The following AGTPBP1 variants were observed in gnomAD, a reference collection of about 807,000 sequenced individuals.
AGTPBP1 encodes ATP/GTP binding carboxypeptidase 1, also known as cytosolic carboxypeptidase 1.
Under a neutral mutation model 143.9 loss-of-function variants are expected in AGTPBP1, and 70 were observed. The ratio of observed to expected loss-of-function variants is 0.49; its 90% CI spans 0.40 to 0.59. The LOEUF is 0.59. AGTPBP1 is among the 20% of genes least tolerant of loss of function. AGTPBP1 has a pLI of 0.00. For synonymous variants in AGTPBP1, 463 were observed against 500.2 expected (o/e 0.93, Z 0.99); for missense variants, 1,229 against 1,464.5 (o/e 0.84, Z 2.62).
chr9:85,625,553 T>C (rs184733432), intron 14 of AGTPBP1, among the ~76,000 whole-genome samples: 5 of 152,308 alleles, frequency 3.3e-5, no homozygotes, highest in East Asian at 3.9e-4. Context: ...TCACATATTA[T>C]ATAAAAGTGT....
chr9:85,713,301 C>T (rs572941125), intron 1 of AGTPBP1, among the ~76,000 whole-genome samples: 6 of 152,318 alleles, frequency 3.9e-5, no homozygotes, highest in Admixed American at 1.3e-4. Flanking sequence ...GGGGCCAAGG[C>T]AGGTGGATCA....
chr9:85,670,265 A>G (rs538614437), intron 7 of AGTPBP1, among the ~76,000 whole-genome samples: 1 of 152,294 alleles, frequency 6.6e-6, no homozygotes, highest in East Asian at 1.9e-4. Flanking sequence ...AGGTAGAAAA[A>G]GATGAGAAAT....
At chr9:85,803,261 C>A in the AGTPBP1 span, among the ~76,000 whole-genome samples, 1 of 152,198 alleles carries the variant, frequency 6.6e-6, no homozygotes, top group Non-Finnish European at 1.5e-5. Flanking sequence ...TCACAAAGTG[C>A]AAACATACCT....
chr9:85,668,958 C>T, intron 8 of AGTPBP1, among the ~76,000 whole-genome samples: 1 of 128,536 alleles, frequency 7.8e-6, no homozygotes, highest in South Asian at 2.6e-4. Context: ...AAAATACATA[C>T]ATACATACAT....
chr9:85,724,062 G>T (rs778862022), intron 1 of AGTPBP1, among the ~76,000 whole-genome samples: 5 of 152,052 alleles, frequency 3.3e-5, no homozygotes, highest in African/African-American at 1.2e-4. Flanking sequence ...CGAGGAAGGT[G>T]GATCACTTGA....
chr9:85,588,206 A>C (rs1305273822), intron 21 of AGTPBP1, 92 bp downstream of exon 21: 7 of 1,149,228 alleles, frequency 6.1e-6, no homozygotes, highest in Non-Finnish European at 8.1e-6. Flanking sequence ...AAAATCACTA[A>C]GTTTGTTAAC....
At chr9:85,574,960 C>T (rs1375756017) in intron 25 of AGTPBP1, among the ~76,000 whole-genome samples, 2 of 152,112 alleles carry the variant, frequency 1.3e-5, no homozygotes, top group African/African-American at 4.8e-5. Context: ...CCACCTGCCT[C>T]GGCCTCCCAA....
At chr9:85,747,945 T>C in the AGTPBP1 span, among the ~76,000 whole-genome samples, 683 of 152,328 alleles carry the variant, frequency 4.5e-3, 4 homozygotes, top group African/African-American at 0.015. Context: ...AACTTTTTTT[T>C]TCTTCTGGAT....
chr9:85,562,153 C>T (rs181739217), intron 25 of AGTPBP1, among the ~76,000 whole-genome samples: 11 of 150,900 alleles, frequency 7.3e-5, no homozygotes, highest in African/African-American at 2.2e-4. Flanking sequence ...GCCAAGTGTC[C>T]GTTAAAATCA....
At chr9:85,720,824 C>A (rs1838059397) in intron 1 of AGTPBP1, among the ~76,000 whole-genome samples, 1 of 152,184 alleles carries the variant, frequency 6.6e-6, no homozygotes, top group South Asian at 2.1e-4. Context: ...TTTCTCTACA[C>A]ACTGCTTTAA....
the AGTPBP1 span, among the ~76,000 whole-genome samples, chr9:85,757,006 G>T: frequency 6.6e-6 from 1 of 151,818 alleles, no homozygotes; most frequent in Non-Finnish European, 1.5e-5. Flanking sequence ...CTTTTTTTTG[G>T]GGGGGTGAAG....
chr9:85,679,155 C>T (rs1458506713), intron 4 of AGTPBP1, among the ~76,000 whole-genome samples: 7 of 152,130 alleles, frequency 4.6e-5, no homozygotes, highest in Non-Finnish European at 5.9e-5. Context: ...ATAGATATTA[C>T]CAAATTGCTC....
At chr9:85,681,357 T>C (rs745356145) in intron 3 of AGTPBP1, 22 bp from the exon 4 acceptor site, 34 of 1,604,898 alleles carry the variant, frequency 2.1e-5, no homozygotes, top group Non-Finnish European at 2.9e-5. Flanking sequence ...CAAACAATTT[T>C]TTTCTCAAAC....
chr9:85,766,220 C>T, the AGTPBP1 span, among the ~76,000 whole-genome samples: 1 of 151,890 alleles, frequency 6.6e-6, no homozygotes, highest in Non-Finnish European at 1.5e-5. Context: ...ACTGTAAACT[C>T]TGAAGGACAC....
chr9:85,616,335 T>A (rs1830599172), intron 17 of AGTPBP1, among the ~76,000 whole-genome samples: 1 of 151,912 alleles, frequency 6.6e-6, no homozygotes, highest in Non-Finnish European at 1.5e-5. Flanking sequence ...TTAGTTTTAA[T>A]TACAGAATTT....
At chr9:85,591,809 T>A (rs1370702247) in intron 19 of AGTPBP1, among the ~76,000 whole-genome samples, 2 of 152,170 alleles carry the variant, frequency 1.3e-5, no homozygotes, top group East Asian at 3.9e-4. Context: ...GGAGCTTGTT[T>A]CTAATTAGAG....
chr9:85,695,835 C>T (rs894286703), intron 2 of AGTPBP1, among the ~76,000 whole-genome samples: 2 of 150,856 alleles, frequency 1.3e-5, no homozygotes, highest in Non-Finnish European at 3.0e-5. Context: ...ATTTTCTTTC[C>T]TTTTCTTTTA....
chr9:85,573,551 C>T (rs1351806614), intron 25 of AGTPBP1, among the ~76,000 whole-genome samples: 1 of 152,142 alleles, frequency 6.6e-6, no homozygotes, highest in Non-Finnish European at 1.5e-5. Flanking sequence ...AGGAGCGTCT[C>T]TGCCTGGCCA....
chr9:85,790,913 TTAA>T, the AGTPBP1 span, among the ~76,000 whole-genome samples: 3 of 152,316 alleles, frequency 2.0e-5, no homozygotes, highest in Admixed American at 2.0e-4. Context: ...AAATGTATAC[TTAA>T]TGATTCTTGG....
Sources: gnomAD v4.1 joint callset for allele counts (sites outside exome capture counted in the v4.1 genomes callset) on GRCh38, gnomAD v4.1.1 for gene constraint, MANE v1.5 for transcripts, NCBI Gene and HGNC (gene_info 2026-07-23, HGNC 2026-07-21) for gene names.